The following AHCY variants were observed in gnomAD, a reference collection of about 807,000 sequenced individuals.
AHCY encodes the protein adenosylhomocysteinase.
In AHCY, 24 loss-of-function variants were observed where a neutral mutation model predicts 45.4. The observed-to-expected ratio is 0.53, with a 90% CI of 0.38 to 0.74. The LOEUF is 0.74. Among genes scored for constraint, AHCY ranks in the 30% least tolerant of loss-of-function variants. The probability of loss-of-function intolerance (pLI) is 0.00; values close to 1 mark genes in which losing one functional copy is unlikely to be tolerated. For synonymous variants in AHCY, 245 were observed against 235.1 expected (o/e 1.04, Z -0.39); for missense variants, 449 against 594.1 (o/e 0.76, Z 2.54).
At chr20:34,250,366 C>T in the AHCY span, among the ~76,000 whole-genome samples, 1 of 152,178 alleles carries the variant, frequency 6.6e-6, no homozygotes. Flanking sequence ...TAAAACAATG[C>T]TAAAATAAAA....
the AHCY span, among the ~76,000 whole-genome samples, chr20:34,271,897 A>G: frequency 7.2e-5 from 11 of 151,972 alleles, no homozygotes; most frequent in Non-Finnish European, 1.5e-4. Flanking sequence ...TACCATTTCC[A>G]CGTTTACAAA....
the AHCY span, among the ~76,000 whole-genome samples, chr20:34,255,853 G>A: frequency 1.3e-3 from 195 of 152,256 alleles, no homozygotes; most frequent in African/African-American, 4.5e-3. Flanking sequence ...ATCAGTGCTC[G>A]GGAAGGCACC....
the AHCY span, chr20:34,262,962 CA>C: frequency 6.4e-7 from 1 of 1,554,538 alleles, no homozygotes. Flanking sequence ...GGAGGACCCC[CA>C]ACCTCTGGCT....
intron 8 of AHCY, chr20:34,286,419 C>G (rs1330043965): frequency 6.6e-6 from 1 of 152,572 alleles, no homozygotes; most frequent in Non-Finnish European, 1.5e-5. Context: ...CAATTTGAGT[C>G]TGGACGGTCT....
upstream of AHCY, among the ~76,000 whole-genome samples, chr20:34,303,830 CA>C (rs574258686): frequency 6.6e-6 from 1 of 151,338 alleles, no homozygotes; most frequent in Admixed American, 6.6e-5. Context: ...CTGAACTCTA[CA>C]AAAAAAAATT....
upstream of AHCY, among the ~76,000 whole-genome samples, chr20:34,308,298 C>A (rs1184279852): frequency 6.6e-6 from 1 of 152,222 alleles, no homozygotes; most frequent in Non-Finnish European, 1.5e-5. Context: ...GGCCTATAGT[C>A]CCAGCACTTT....
intron 8 of AHCY, among the ~76,000 whole-genome samples, chr20:34,287,700 G>A (rs1314258022): frequency 5.9e-5 from 9 of 152,000 alleles, no homozygotes; most frequent in Non-Finnish European, 1.3e-4. Flanking sequence ...CCAGAAGGGG[G>A]TCTCTTGAGC....
At chr20:34,305,231 G>A (rs2036882913), upstream of AHCY, among the ~76,000 whole-genome samples, 1 of 151,852 alleles carries the variant, frequency 6.6e-6, no homozygotes, top group Admixed American at 6.6e-5. Context: ...GGCTGAGGCA[G>A]GAGAATGGCG....
intron 5 of AHCY, 23 bp downstream of exon 5, chr20:34,291,391 CGGGAG>C: frequency 6.3e-7 from 1 of 1,589,184 alleles, no homozygotes; most frequent in Non-Finnish European, 8.6e-7. Flanking sequence ...GCCACTGTAG[CGGGAG>C]CTGTCACTGC....
chr20:34,272,779 G>C, the AHCY span, among the ~76,000 whole-genome samples: 4 of 152,282 alleles, frequency 2.6e-5, no homozygotes, highest in East Asian at 7.7e-4. Context: ...AGCTACTCAA[G>C]AGGCTGAGGC....
At chr20:34,268,001 T>G in the AHCY span, among the ~76,000 whole-genome samples, 1 of 152,376 alleles carries the variant, frequency 6.6e-6, no homozygotes, top group East Asian at 1.9e-4. Context: ...ACAGCACATC[T>G]CATTCCAATG....
chr20:34,243,736 T>C, the AHCY span, among the ~76,000 whole-genome samples: 2 of 150,168 alleles, frequency 1.3e-5, no homozygotes, highest in East Asian at 3.9e-4. Flanking sequence ...TCTAATACTT[T>C]ACATTTTTCT....
chr20:34,295,551 G>A lies in AHCY; in HGVS notation c.63C>T (p.Ala21=), dbSNP rs753789930. Residue 21 remains alanine, a synonymous_variant, in exon 2 of 10, where the codon GCC becomes GCT. Transcript: ENST00000217426. ...DIGLAAWGRK[A]LDIAENEMPG... Reference sequence around the variant, plus strand: ...GCATCTCGTTCTCAGCAATGTCCAGGGCCTTGCGTCCCCAGGCAGCCAGGC... The same window carrying A: ...GCATCTCGTTCTCAGCAATGTCCAGAGCCTTGCGTCCCCAGGCAGCCAGGC... The A allele has an allele frequency of 6.2e-6, 10 of 1,614,088 alleles. No homozygotes were observed. Among genetic ancestry groups the A allele is most frequent in the African/African-American group, 1.3e-5 (1 of 75,044 alleles).
chr20:34,270,832 T>A, the AHCY span, among the ~76,000 whole-genome samples: 1 of 152,112 alleles, frequency 6.6e-6, no homozygotes, highest in Non-Finnish European at 1.5e-5. Context: ...TCAGTTTTGG[T>A]TTTTCTTTAG....
At chr20:34,302,973 A>G (rs2036832476) in intron 1 of AHCY, 12 of 985,248 alleles carry the variant, frequency 1.2e-5, no homozygotes, top group Non-Finnish European at 1.4e-5. Flanking sequence ...TCTCCCGCGG[A>G]GCACGCCGCC....
intron 4 of AHCY, 62 bp downstream of exon 4, chr20:34,292,296 T>G: frequency 1.9e-6 from 3 of 1,580,240 alleles, no homozygotes; most frequent in Admixed American, 1.8e-5. Flanking sequence ...GCGGCCATCA[T>G]GTGGGCAAAC....
At chr20:34,306,481 A>C (rs1350281422), upstream of AHCY, among the ~76,000 whole-genome samples, 1 of 151,190 alleles carries the variant, frequency 6.6e-6, no homozygotes, top group Non-Finnish European at 1.5e-5. Context: ...TGATTCTCGT[A>C]CCTTAGCCTC....
chr20:34,298,261 T>C (rs1264880543), intron 1 of AHCY, among the ~76,000 whole-genome samples: 3 of 152,190 alleles, frequency 2.0e-5, no homozygotes, highest in Non-Finnish European at 4.4e-5. Flanking sequence ...ATAGTTATAC[T>C]AGATATAGAT....
At chr20:34,241,503 GCA>G in the AHCY span, 1 of 985,312 alleles carries the variant, frequency 1.0e-6, no homozygotes, top group Non-Finnish European at 1.2e-6. Context: ...AGTTTAGATG[GCA>G]ACTTTAATCT....
Sources: allele counts gnomAD v4.1 joint callset (sites outside exome capture counted in the v4.1 genomes callset), GRCh38; gene constraint gnomAD v4.1.1; transcripts MANE v1.5; gene names NCBI Gene and HGNC (gene_info 2026-07-23, HGNC 2026-07-21).